BPNT2: variants seen among roughly 807,000 people sequenced by gnomAD.
The protein encoded by BPNT2 is 3'(2'), 5'-bisphosphate nucleotidase 2.
A neutral mutation model predicts 29.3 loss-of-function variants in BPNT2; 11 were observed. The ratio of observed to expected loss-of-function variants is 0.38; its 90% CI spans 0.24 to 0.62. The LOEUF is 0.62. BPNT2 is among the 20% of genes least tolerant of loss of function. The pLI is 0.62. For missense variants in BPNT2, 459 were observed against 473.4 expected, an observed-to-expected ratio of 0.97 and a Z score of 0.28; for synonymous variants, 195 against 187.7, an observed-to-expected ratio of 1.04 and a Z score of -0.32.
Position 56,993,323 on chromosome 8 carries a change from T to G in BPNT2, c.263A>C (p.Asn88Thr). Residue 88 changes from asparagine to threonine, a missense_variant, in exon 1 of 5, where the codon AAC (asparagine) becomes ACC (threonine). Coordinates refer to ENST00000262644, the MANE Select transcript of BPNT2 (RefSeq NM_017813.5). ...GDEVRRVRESNVLHEKSKGKT... is the reference protein window; with the variant it reads ...GDEVRRVRESTVLHEKSKGKT... Reference sequence around the variant, plus strand: ...CCCCTTGGACTTCTCGTGGAGGACGTTGCTCTCGCGGACGCGCCTCACCTC... The same window carrying G: ...CCCCTTGGACTTCTCGTGGAGGACGGTGCTCTCGCGGACGCGCCTCACCTC... 6.2e-7 allele frequency: 1 copy of G among 1,611,948 alleles called. No homozygotes were observed. The highest frequency in any genetic ancestry group is 1.1e-5 in the South Asian group (1 of 91,086).
Position 56,990,425 on chromosome 8 carries a change from G to A in BPNT2, c.387+2774C>T, listed in dbSNP as rs189447312. Among the ~76,000 whole-genome samples, 352 of 152,258 alleles carry A rather than the reference G, an allele frequency of 2.3e-3. 1 individual carries two copies. Among genetic ancestry groups the A allele is most frequent in the African/African-American group, 8.0e-3 (331 of 41,540 alleles). ...AAATGGCTGGAGTTACTATTACTTT[G>A]ACACAATGAAGTCAAGCATTGCCAA... On this transcript the variant is annotated intron_variant, in intron 1 of 4. Coordinates refer to ENST00000262644, the MANE Select transcript of BPNT2 (RefSeq NM_017813.5).
chr8:56,980,106 G>C lies in BPNT2; in HGVS notation c.479C>G (p.Thr160Ser). The C allele has an allele frequency of 6.2e-7, 1 of 1,613,004 alleles. No individual in the cohort carries two copies. Among genetic ancestry groups the C allele is most frequent in the Non-Finnish European group, 8.5e-7 (1 of 1,179,056 alleles). The change falls in exon 2 of 5, where the codon ACT becomes AGT. Residue 160 changes from threonine (T) to serine (S), a missense_variant. Transcript: ENST00000262644. ...IPEDILKEVT[T>S]PKEVPAESVT... is the part of the protein sequence containing the mutation. ...ACTTTCTGCTGGTACCTCTTTAGGA[G>C]TAGTTACTTCCTTTAGGATATCCTC...
intron 3 of BPNT2, among the ~76,000 whole-genome samples, chr8:56,969,966 G>GA (rs1806005568): frequency 1.3e-5 from 2 of 152,066 alleles, no homozygotes; most frequent in African/African-American, 4.8e-5. Context: ...TTTTCTAGAA[G>GA]AAACATTTCA....
Position 56,961,919 on chromosome 8 carries a change from A to G in BPNT2, c.*1874T>C, listed in dbSNP as rs1181150400. 1 of 152,214 alleles carries G rather than the reference A, an allele frequency of 6.6e-6. No individual in the cohort carries two copies. The highest frequency in any genetic ancestry group is 6.5e-5 in the Admixed American group (1 of 15,280). The allele number at this position is 152,214 out of a possible 1,614,324, so 9.4% of individuals were successfully genotyped here. On this transcript the variant is annotated 3_prime_UTR_variant, in exon 5 of 5. Transcript: ENST00000262644. Reference sequence around the variant, plus strand: ...AGAGTTCCCATAAAACATTGAAATTAAATTCCATTTTTTACTTGCCAGTCC... The same window carrying G: ...AGAGTTCCCATAAAACATTGAAATTGAATTCCATTTTTTACTTGCCAGTCC...
chr8:56,959,499 A>AT lies in BPNT2; in HGVS notation c.*4293dup, dbSNP rs1169155943. On this transcript the variant is annotated 3_prime_UTR_variant, in exon 5 of 5. Transcript: ENST00000262644. ...TCTGGTTTGTAATGTCATACACAGT[A>AT]TTTTTTAACATTAATAAATTATTGA... 1.3e-5 allele frequency: 2 copies of AT among 152,214 alleles called. No individual in the cohort carries two copies. Among genetic ancestry groups the AT allele is most frequent in the South Asian group, 2.1e-4 (1 of 4,838 alleles). The allele number at this position is 152,214 out of a possible 1,614,324, so 9.4% of individuals were successfully genotyped here. A position where few individuals can be genotyped will look rare whatever the true frequency, so the allele number is the denominator to read the frequency against.
rs549873896 is a variant in BPNT2, at chr8:56,966,468, T to C, written c.647-116A>G. 7 of 887,552 alleles carry C rather than the reference T, an allele frequency of 7.9e-6. No homozygotes were observed. In the Admixed American group the frequency reaches 1.4e-4, roughly 18 times the overall value. The allele number at this position is 887,552 out of a possible 1,614,324, so 55.0% of individuals were successfully genotyped here. ...ACAAAATAGCTCTCTTCTAAAAAATTATTTGTATTTTCCCCCAAAACAGAA... is the reference window on the plus strand; with the variant it reads ...ACAAAATAGCTCTCTTCTAAAAAATCATTTGTATTTTCCCCCAAAACAGAA... On this transcript the variant is annotated intron_variant, in intron 3 of 4. Coordinates refer to ENST00000262644, the MANE Select transcript of BPNT2 (RefSeq NM_017813.5).
intron 1 of BPNT2, among the ~76,000 whole-genome samples, chr8:56,982,738 G>C (rs1806265424): frequency 6.6e-6 from 1 of 152,058 alleles, no homozygotes; most frequent in Admixed American, 6.6e-5. Context: ...TAGTGGAAGG[G>C]TTATTCTTTA....
intron 3 of BPNT2, among the ~76,000 whole-genome samples, chr8:56,976,059 C>A (rs1277624936): frequency 6.6e-6 from 1 of 151,928 alleles, no homozygotes; most frequent in Non-Finnish European, 1.5e-5. Context: ...TTTTTTGCCT[C>A]CTTTGCGACT....
rs1188139233 is a variant in BPNT2 at position 56,980,093 on chromosome 8, T to C, written c.492A>G (p.Val164=). The C allele has an allele frequency of 6.8e-6, 11 of 1,613,626 alleles. No homozygotes were observed. The highest frequency in any genetic ancestry group is 2.7e-5 in the African/African-American group (2 of 74,902). ...TCCAGACAGTAACACTTTCTGCTGG[T>C]ACCTCTTTAGGAGTAGTTACTTCCT... The part of the protein sequence containing the change: ...ILKEVTTPKE[V]PAESVTVWID... Residue 164 remains valine, a synonymous_variant, in exon 2 of 5, where the codon GTA becomes GTG. Transcript: ENST00000262644.
chr8:56,966,472 T>G, intron 3 of BPNT2, 120 bp from the exon 4 acceptor site: 1 of 867,082 alleles, frequency 1.2e-6, no homozygotes. Context: ...AAAAATTATT[T>G]GTATTTTCCC....
At chr8:56,990,934 C>G (rs1461893217) in intron 1 of BPNT2, among the ~76,000 whole-genome samples, 1 of 152,160 alleles carries the variant, frequency 6.6e-6, no homozygotes, top group Non-Finnish European at 1.5e-5. Flanking sequence ...AAAGAAGTAT[C>G]TGTTGCTTCT....
rs1243364068 is a variant in BPNT2 at position 56,963,353 on chromosome 8, A to C, written c.*440T>G. On this transcript the variant is annotated 3_prime_UTR_variant, in exon 5 of 5. Coordinates refer to ENST00000262644, the MANE Select transcript of BPNT2 (RefSeq NM_017813.5). ...CTTTCCATCCAAATTAGAGGTAAAA[A>C]TCCCCAATGACTTTATTTTCAATGA... The C allele has an allele frequency of 6.4e-6, 1 of 155,340 alleles. No homozygotes were observed. The highest frequency in any genetic ancestry group is 2.4e-5 in the African/African-American group (1 of 41,508). The allele number at this position is 155,340 out of a possible 1,614,324, so 9.6% of individuals were successfully genotyped here. A position where few individuals can be genotyped will look rare whatever the true frequency, so the allele number is the denominator to read the frequency against.
Position 56,960,563 on chromosome 8 carries a change from TAAAG to T in BPNT2, c.*3226_*3229del, listed in dbSNP as rs974361425. 19 of 152,238 alleles carry T rather than the reference TAAAG, an allele frequency of 1.2e-4. No individual in the cohort carries two copies. Among genetic ancestry groups the T allele is most frequent in the East Asian group, 5.8e-4 (3 of 5,184 alleles). The allele number at this position is 152,238 out of a possible 1,614,324, so 9.4% of individuals were successfully genotyped here. ...CAACTGAATAATTACTGATTTAAAA[TAAAG>T]AAAGAAACACTAAAATTGGGGTAGC... On this transcript the variant is annotated 3_prime_UTR_variant, in exon 5 of 5. Coordinates refer to ENST00000262644, the MANE Select transcript of BPNT2 (RefSeq NM_017813.5).
intron 3 of BPNT2, 55 bp downstream of exon 3, chr8:56,977,995 T>G (rs567363967): frequency 3.4e-5 from 37 of 1,087,194 alleles, no homozygotes; most frequent in Non-Finnish European, 5.0e-5. Flanking sequence ...CAGTAAATAC[T>G]ATAGACAAAC....
chr8:56,981,176 T>G (rs975489015), intron 1 of BPNT2, among the ~76,000 whole-genome samples: 4 of 152,164 alleles, frequency 2.6e-5, no homozygotes, highest in African/African-American at 9.7e-5. Context: ...CATTGTCAAG[T>G]GCGCCCCTGT....
At chr8:56,967,151 A>G in intron 3 of BPNT2, 1 of 456,298 alleles carries the variant, frequency 2.2e-6, no homozygotes, top group Non-Finnish European at 4.4e-6. Context: ...GCAGTCACTC[A>G]CTACAGGGCA....
chr8:56,964,071 GAT>G lies in BPNT2; in HGVS notation c.809-9_809-8del. 1 of 1,560,766 alleles carries G rather than the reference GAT, an allele frequency of 6.4e-7. No homozygotes were observed. Among genetic ancestry groups the G allele is most frequent in the Non-Finnish European group, 8.7e-7 (1 of 1,146,584 alleles). On this transcript the variant is annotated splice_region_variant and splice_polypyrimidine_tract_variant and intron_variant, in intron 4 of 4. Coordinates refer to ENST00000262644, the MANE Select transcript of BPNT2 (RefSeq NM_017813.5). ...AGTGCTAAAACTTTATAACCTAAAAGATAAACAAAGAATTTAGGTTATTATTC... is the reference window on the plus strand; with the variant it reads ...AGTGCTAAAACTTTATAACCTAAAAGAAACAAAGAATTTAGGTTATTATTC...
In BPNT2 at chr8:56,963,822, G is replaced by A; in HGVS notation, c.1051C>T (p.Pro351Ser). 6.2e-7 allele frequency: 1 copy of A among 1,614,100 alleles called. No individual in the cohort carries two copies. The highest frequency in any genetic ancestry group is 8.5e-7 in the Non-Finnish European group (1 of 1,180,028). ...MNHQALVRKL[P>S]DLEKTGHK ...TTATGTCCTGTCTTTTCTAGATCTGGGAGTTTTCTGACCAGGGCCTGGTGG... is the reference window on the plus strand; with the variant it reads ...TTATGTCCTGTCTTTTCTAGATCTGAGAGTTTTCTGACCAGGGCCTGGTGG... The change falls in exon 5 of 5, where the codon CCA (proline) becomes TCA (serine). Residue 351 changes from proline (P) to serine (S), a missense_variant. Coordinates refer to ENST00000262644, the MANE Select transcript of BPNT2 (RefSeq NM_017813.5).
intron 1 of BPNT2, among the ~76,000 whole-genome samples, chr8:56,985,623 A>G (rs1806315925): frequency 6.6e-6 from 1 of 152,158 alleles, no homozygotes; most frequent in Non-Finnish European, 1.5e-5. Context: ...GATACATAAT[A>G]GCTCATCTTG....
Sources: allele counts gnomAD v4.1 joint callset (sites outside exome capture counted in the v4.1 genomes callset), GRCh38; gene constraint gnomAD v4.1.1; transcripts MANE v1.5; gene names NCBI Gene and HGNC (gene_info 2026-07-23, HGNC 2026-07-21).